The following ATF7 variants were observed in gnomAD, a reference collection of about 807,000 sequenced individuals.
The protein encoded by ATF7 is activating transcription factor 7, also known as cyclic AMP-dependent transcription factor ATF-7.
Under a neutral mutation model 50.4 loss-of-function variants are expected in ATF7, and 10 were observed. That is an observed-to-expected ratio of 0.20 (90% CI 0.12 to 0.34). The LOEUF (loss-of-function observed/expected upper bound fraction) is 0.34, where lower values mean the gene tolerates loss of function less well. Among genes scored for constraint, ATF7 ranks in the 10% least tolerant of loss-of-function variants. The pLI is 1.00. For missense variants in ATF7, 465 were observed against 613.9 expected, an observed-to-expected ratio of 0.76 and a Z score of 2.56; for synonymous variants, 201 against 226.4, an observed-to-expected ratio of 0.89 and a Z score of 1.01.
intron 1 of ATF7, among the ~76,000 whole-genome samples, chr12:53,624,328 G>A (rs934025678): frequency 4.6e-5 from 7 of 152,188 alleles, no homozygotes; most frequent in African/African-American, 1.7e-4. Flanking sequence ...AAAACCAAAG[G>A]TTAATACAAC....
chr12:53,595,163 AT>A (rs1382895525), intron 2 of ATF7, among the ~76,000 whole-genome samples: 1 of 152,230 alleles, frequency 6.6e-6, no homozygotes, highest in Non-Finnish European at 1.5e-5. Context: ...AAAAATTAGA[AT>A]TTTAAAAAAC....
At chr12:53,611,359 A>C (rs1476979630) in intron 1 of ATF7, among the ~76,000 whole-genome samples, 2 of 152,026 alleles carry the variant, frequency 1.3e-5, no homozygotes, top group Non-Finnish European at 2.9e-5. Flanking sequence ...AGGCTGAGGC[A>C]GGAGAATCGC....
At chr12:53,543,091 C>G (rs1205098821) in intron 4 of ATF7, 8 of 1,392,646 alleles carry the variant, frequency 5.7e-6, no homozygotes, top group Non-Finnish European at 7.4e-6. Context: ...TAATACTCCC[C>G]TGGAAGAACA....
At chr12:53,518,876 T>C (rs1242531096) in intron 11 of ATF7, among the ~76,000 whole-genome samples, 1 of 149,716 alleles carries the variant, frequency 6.7e-6, no homozygotes, top group African/African-American at 2.5e-5. Context: ...AAACCCCGTC[T>C]CTACTCAAAA....
chr12:53,612,710 G>A (rs1366112441), intron 1 of ATF7, among the ~76,000 whole-genome samples: 2 of 152,262 alleles, frequency 1.3e-5, no homozygotes, highest in Middle Eastern at 3.4e-3. Context: ...AGTTAGGCTG[G>A]GCAAGGTGGC....
chr12:53,587,831 ATATATATATATATTT>A (rs1942766532), intron 2 of ATF7, among the ~76,000 whole-genome samples: 1 of 43,768 alleles, frequency 2.3e-5, no homozygotes, highest in Non-Finnish European at 5.2e-5. Flanking sequence ...ATATATATAT[ATATATATATATATTT>A]TTTTTTTTTT....
chr12:53,547,747 TTATG>T (rs57447677), intron 3 of ATF7, among the ~76,000 whole-genome samples: 40,114 of 148,970 alleles, frequency 0.27, 5,664 homozygotes, highest in South Asian at 0.33. Flanking sequence ...TCGGCTAATT[TTATG>T]TATGTATGTA....
At chr12:53,620,575 CAAA>C (rs34516346) in intron 1 of ATF7, among the ~76,000 whole-genome samples, 3 of 75,768 alleles carry the variant, frequency 4.0e-5, no homozygotes, top group Non-Finnish European at 7.2e-5. Context: ...GACTCCGTCT[CAAA>C]AAAAAAAAAA....
intron 3 of ATF7, among the ~76,000 whole-genome samples, chr12:53,544,179 G>C (rs77669860): frequency 6.6e-6 from 1 of 152,182 alleles, no homozygotes; most frequent in Non-Finnish European, 1.5e-5. Context: ...GGGGCTGCAC[G>C]AGTCTCTCCT....
intron 11 of ATF7, among the ~76,000 whole-genome samples, chr12:53,521,410 T>A (rs1938121395): frequency 6.6e-6 from 1 of 152,146 alleles, no homozygotes; most frequent in African/African-American, 2.4e-5. Context: ...CGTCCCCTAC[T>A]TGTCTCCAAC....
chr12:53,559,245 T>TA (rs398019640), intron 2 of ATF7, among the ~76,000 whole-genome samples: 4 of 151,998 alleles, frequency 2.6e-5, no homozygotes, highest in Non-Finnish European at 4.4e-5. Context: ...TTCTTTTTTT[T>TA]AGAGATGGGG....
At chr12:53,590,207 C>T (rs951273159) in intron 2 of ATF7, among the ~76,000 whole-genome samples, 11 of 152,194 alleles carry the variant, frequency 7.2e-5, no homozygotes, top group African/African-American at 2.4e-4. Context: ...CAAATAAAAA[C>T]GTCCATTTCT....
intron 2 of ATF7, among the ~76,000 whole-genome samples, chr12:53,567,728 C>T (rs1327502720): frequency 6.6e-6 from 1 of 152,156 alleles, no homozygotes; most frequent in African/African-American, 2.4e-5. Flanking sequence ...TAATGGTAGA[C>T]CTTTTAGTAT....
downstream of ATF7, among the ~76,000 whole-genome samples, chr12:53,511,169 T>C (rs1944120069): frequency 6.6e-6 from 1 of 152,256 alleles, no homozygotes; most frequent in African/African-American, 2.4e-5. Context: ...AATATACAGA[T>C]GCAATAAATT....
At chr12:53,588,083 C>T (rs1429031489) in intron 2 of ATF7, among the ~76,000 whole-genome samples, 1 of 151,976 alleles carries the variant, frequency 6.6e-6, no homozygotes, top group East Asian at 1.9e-4. Context: ...CTCCTGACCT[C>T]AGGTGATTCG....
At chr12:53,527,338 T>C (rs1046428184) in intron 9 of ATF7, among the ~76,000 whole-genome samples, 1 of 151,720 alleles carries the variant, frequency 6.6e-6, no homozygotes, top group African/African-American at 2.4e-5. Flanking sequence ...TAAAATTAGC[T>C]GGGCATGGTG....
At chr12:53,612,352 T>C (rs1943918677) in intron 1 of ATF7, among the ~76,000 whole-genome samples, 1 of 152,092 alleles carries the variant, frequency 6.6e-6, no homozygotes. Flanking sequence ...AGTGGCTCGA[T>C]CTCGTCTCAC....
chr12:53,554,111 T>C (rs1480177117), intron 2 of ATF7, among the ~76,000 whole-genome samples: 4 of 146,708 alleles, frequency 2.7e-5, no homozygotes, highest in African/African-American at 1.0e-4. Context: ...CCCATTTCTA[T>C]ACAAAAATGT....
At position 53,516,741 on chromosome 12, in the gene ATF7, C is replaced by CA; in HGVS notation, c.*395dup. 1 of 201,606 alleles carries CA rather than the reference C, an allele frequency of 5.0e-6. No homozygotes were observed. Among genetic ancestry groups the CA allele is most frequent in the Non-Finnish European group, 1.0e-5 (1 of 95,536 alleles). The allele number at this position is 201,606 out of a possible 1,614,324, so 12.5% of individuals were successfully genotyped here. On this transcript the variant is annotated 3_prime_UTR_variant, in exon 12 of 12. Transcript: ENST00000420353. The stretch of plus-strand genomic sequence containing the variant: ...CAGGAAGTGGCATGCTGGTAAGGAA[C>CA]AAAAAGGTAACAGCCACGGCTTAGT...
Sources: allele counts gnomAD v4.1 joint callset (sites outside exome capture counted in the v4.1 genomes callset), GRCh38; gene constraint gnomAD v4.1.1; transcripts MANE v1.5; gene names NCBI Gene and HGNC (gene_info 2026-07-23, HGNC 2026-07-21).